Variants in LRRTM4 observed in about 807,000 individuals in gnomAD.
The protein encoded by LRRTM4 is leucine rich repeat transmembrane neuronal 4, also known as leucine-rich repeat transmembrane neuronal protein 4.
LRRTM4 carries 25 observed loss-of-function variants against 47.6 expected under a neutral mutation model. That is an observed-to-expected ratio of 0.53 (90% confidence interval 0.38 to 0.73). The LOEUF (loss-of-function observed/expected upper bound fraction) is 0.73. Among genes scored for constraint, LRRTM4 ranks in the 30% least tolerant of loss-of-function variants. LRRTM4 has a pLI of 0.00. For synonymous variants in LRRTM4, 311 were observed against 269.5 expected (o/e 1.15, Z -1.51); for missense variants, 638 against 713.4 (o/e 0.89, Z 1.20).
intron 3 of LRRTM4, among the ~76,000 whole-genome samples, chr2:76,974,211 C>CATAAATATATATAT (rs1440382318): frequency 8.5e-6 from 1 of 118,234 alleles, no homozygotes; most frequent in East Asian, 2.9e-4. Flanking sequence ...TATATATATA[C>CATAAATATATATAT]ACATATATAT....
chr2:76,885,502 G>T (rs1210029681), intron 3 of LRRTM4, among the ~76,000 whole-genome samples: 3 of 138,544 alleles, frequency 2.2e-5, no homozygotes, highest in African/African-American at 8.2e-5. Context: ...TCGCTCTGTC[G>T]CCCAGGCTGG....
At chr2:76,900,889 T>C (rs1469499298) in intron 3 of LRRTM4, among the ~76,000 whole-genome samples, 3 of 152,194 alleles carry the variant, frequency 2.0e-5, no homozygotes, top group Non-Finnish European at 4.4e-5. Context: ...ATAATGTTGA[T>C]TAGAAGTACC....
At chr2:77,258,076 A>G (rs1675818368) in intron 3 of LRRTM4, among the ~76,000 whole-genome samples, 1 of 151,626 alleles carries the variant, frequency 6.6e-6, no homozygotes, top group Admixed American at 6.6e-5. Context: ...AGCCTGAGCA[A>G]CAAGACCAAA....
At position 77,024,621 on chromosome 2, in the gene LRRTM4, C is replaced by G. The variant is rs1458952237; in HGVS notation, c.1552-275705G>C. Among the ~76,000 whole-genome samples the G allele has an allele frequency of 2.0e-5, 3 of 151,796 alleles. No homozygotes were observed. In the East Asian group the frequency reaches 5.8e-4, roughly 29 times the overall value. ...ACAAGTAAGCCTTATAATCTCTTCT[C>G]TTTTTGTTTTTATAGTATTTTTTCC... On this transcript the variant is annotated intron_variant, in intron 3 of 3. Transcript: ENST00000409884.
chr2:77,284,014 A>G (rs1196530172), intron 3 of LRRTM4, among the ~76,000 whole-genome samples: 1 of 152,102 alleles, frequency 6.6e-6, no homozygotes, highest in Admixed American at 6.6e-5. Flanking sequence ...TAAGTAAATA[A>G]ATAGGAAACA....
chr2:77,149,611 G>C (rs1032813544), intron 3 of LRRTM4, among the ~76,000 whole-genome samples: 19 of 152,166 alleles, frequency 1.2e-4, no homozygotes, highest in Middle Eastern at 3.2e-3. Flanking sequence ...AAAGCTGTTT[G>C]AGTTTTTATT....
At chr2:76,891,941 G>C (rs1409880587) in intron 3 of LRRTM4, among the ~76,000 whole-genome samples, 1 of 151,538 alleles carries the variant, frequency 6.6e-6, no homozygotes, top group Non-Finnish European at 1.5e-5. Flanking sequence ...ATATGTCACA[G>C]ATGAAAAAAT....
intron 3 of LRRTM4, among the ~76,000 whole-genome samples, chr2:77,211,501 A>C (rs1225507322): frequency 2.0e-5 from 3 of 152,222 alleles, no homozygotes; most frequent in African/African-American, 7.2e-5. Flanking sequence ...CAATCCACCC[A>C]TAACTTTATT....
chr2:76,968,370 A>ACACATGTGTG lies in LRRTM4; in HGVS notation c.1552-219455_1552-219454insCACACATGTG, dbSNP rs1380363751. Among the ~76,000 whole-genome samples the ACACATGTGTG allele has an allele frequency of 3.3e-3, 456 of 136,910 alleles. 15 individuals are homozygous for ACACATGTGTG. Among genetic ancestry groups the ACACATGTGTG allele is most frequent in the Non-Finnish European group, 5.1e-3 (327 of 63,618 alleles). The allele number at this position is 136,910 out of a possible 152,430, so 89.8% of individuals were successfully genotyped here. The stretch of plus-strand genomic sequence containing the variant: ...TATATATATATATATATATATATAT[A>ACACATGTGTG]TATATATATATATACACATACATAC... On this transcript the variant is annotated intron_variant, in intron 3 of 3. Coordinates refer to ENST00000409884, the MANE Select transcript of LRRTM4 (RefSeq NM_001134745.3).
At chr2:76,972,990 A>C (rs976500208) in intron 3 of LRRTM4, among the ~76,000 whole-genome samples, 8 of 152,104 alleles carry the variant, frequency 5.3e-5, no homozygotes, top group African/African-American at 1.9e-4. Flanking sequence ...TATTTTTATC[A>C]ATATTTTAAA....
chr2:77,178,326 G>A (rs1328238930), intron 3 of LRRTM4, among the ~76,000 whole-genome samples: 5 of 152,162 alleles, frequency 3.3e-5, no homozygotes, highest in South Asian at 4.1e-4. Context: ...GGTGGCTCAT[G>A]CCTGTAATCC....
At chr2:77,340,643 A>C (rs1016373293) in intron 3 of LRRTM4, among the ~76,000 whole-genome samples, 6 of 151,954 alleles carry the variant, frequency 3.9e-5, no homozygotes, top group Non-Finnish European at 5.9e-5. Context: ...CCAGGAATTC[A>C]AGTTAGTGTA....
chr2:76,906,455 C>T (rs2103763523), intron 3 of LRRTM4, among the ~76,000 whole-genome samples: 2 of 151,562 alleles, frequency 1.3e-5, no homozygotes, highest in South Asian at 4.2e-4. Flanking sequence ...GCAAAATAAC[C>T]AGCTAACATC....
chr2:77,493,898 A>C (rs926556795), intron 3 of LRRTM4, among the ~76,000 whole-genome samples: 5 of 152,150 alleles, frequency 3.3e-5, no homozygotes, highest in African/African-American at 1.2e-4. Context: ...TTCTTTACAG[A>C]CATTGACACA....
intron 3 of LRRTM4, among the ~76,000 whole-genome samples, chr2:77,481,094 C>T (rs1677685307): frequency 6.6e-6 from 1 of 152,080 alleles, no homozygotes. Context: ...GAGTATTCAC[C>T]CAGTCCTTAC....
chr2:77,457,305 G>A (rs1474258581), intron 3 of LRRTM4, among the ~76,000 whole-genome samples: 1 of 151,500 alleles, frequency 6.6e-6, no homozygotes, highest in East Asian at 2.0e-4. Context: ...AGTTGGATAG[G>A]CTTAAAGTCA....
chr2:77,345,117 A>G (rs1354593), intron 3 of LRRTM4, among the ~76,000 whole-genome samples: 76,417 of 150,960 alleles, frequency 0.51, 22,663 homozygotes, highest in Non-Finnish European at 0.67. Context: ...AATTATAAAA[A>G]TATACAAATA....
rs534305818 is a variant in LRRTM4 at position 76,785,059 on chromosome 2, A to C, written c.1552-36143T>G. ...TTATAATATGACTGTATGAACATTG[A>C]ATCTAGTCTGCAATAAACTATTAAG... On this transcript the variant is annotated intron_variant, in intron 3 of 3. Transcript: ENST00000409884. Among the ~76,000 whole-genome samples the C allele has an allele frequency of 2.0e-5, 3 of 152,236 alleles. No homozygotes were observed. The East Asian group carries it at 5.8e-4, about 29-fold the overall frequency.
chr2:76,964,768 G>A (rs1675968970), intron 3 of LRRTM4, among the ~76,000 whole-genome samples: 1 of 149,698 alleles, frequency 6.7e-6, no homozygotes, highest in African/African-American at 2.4e-5. Flanking sequence ...GTGAAAATGG[G>A]AAAACAGAGA....
Sources: allele counts gnomAD v4.1 joint callset (sites outside exome capture counted in the v4.1 genomes callset), GRCh38; gene constraint gnomAD v4.1.1; transcripts MANE v1.5; gene names NCBI Gene and HGNC (gene_info 2026-07-23, HGNC 2026-07-21).